The following TLE2 variants were observed in gnomAD, a reference collection of about 807,000 sequenced individuals.
TLE2 encodes the protein transducin-like enhancer protein 2.
In TLE2, 74 loss-of-function variants were observed where a neutral mutation model predicts 97.2. That is an observed-to-expected ratio of 0.76 (90% CI 0.63 to 0.92). The LOEUF (loss-of-function observed/expected upper bound fraction) is 0.92, where lower values mean the gene tolerates loss of function less well. Ranked by LOEUF, TLE2 falls within the 40% of genes least tolerant of loss-of-function variation. The pLI is 0.00. For missense variants in TLE2, 1,038 were observed against 1,008.7 expected, an observed-to-expected ratio of 1.03 and a Z score of -0.39; for synonymous variants, 499 against 432.1, an observed-to-expected ratio of 1.15 and a Z score of -1.92.
chr19:3,025,817 A>AG (rs59586095), intron 4 of TLE2, among the ~76,000 whole-genome samples: 19,380 of 151,888 alleles, frequency 0.13, 1,767 homozygotes, highest in African/African-American at 0.26. Context: ...CACCCCATAA[A>AG]GGGGGGTCTA....
chr19:3,043,457 G>A (rs971534382), intron 1 of TLE2, among the ~76,000 whole-genome samples: 4 of 149,864 alleles, frequency 2.7e-5, no homozygotes, highest in Admixed American at 1.3e-4. Context: ...GATTACAGGC[G>A]TGAGCCACCG....
At chr19:3,035,534 GAA>G (rs990543755) in intron 1 of TLE2, among the ~76,000 whole-genome samples, 1 of 144,016 alleles carries the variant, frequency 6.9e-6, no homozygotes. Context: ...TGGGTTTACG[GAA>G]AAAAAAAAAA....
chr19:3,011,799 G>C (rs561248527), intron 11 of TLE2, among the ~76,000 whole-genome samples: 1 of 151,738 alleles, frequency 6.6e-6, no homozygotes, highest in Non-Finnish European at 1.5e-5. Flanking sequence ...GCAGTGAGCC[G>C]AGATCACGCC....
At chr19:3,006,360 T>C in intron 15 of TLE2, 60 bp downstream of exon 15, 2 of 1,571,994 alleles carry the variant, frequency 1.3e-6, no homozygotes, top group Middle Eastern at 2.3e-4. Context: ...ACCGCCCCAT[T>C]GGAACATAAG....
intron 19 of TLE2, among the ~76,000 whole-genome samples, chr19:2,998,425 A>C (rs1313717723): frequency 6.6e-6 from 1 of 151,934 alleles, no homozygotes; most frequent in Non-Finnish European, 1.5e-5. Context: ...TTGCAGGTGC[A>C]TGCCACCATG....
intron 9 of TLE2, among the ~76,000 whole-genome samples, chr19:3,015,022 TAATAAATAAATA>T (rs749174870): frequency 1.1e-5 from 1 of 93,426 alleles, no homozygotes; most frequent in Non-Finnish European, 2.2e-5. Context: ...GACTCCACCT[TAATAAATAAATA>T]AATAAATAAA....
rs2089336535 is a variant in TLE2 at position 3,000,655 on chromosome 19, T to C, written c.2116A>G (p.Ile706Val). The C allele has an allele frequency of 6.3e-7, 1 of 1,587,314 alleles. No individual in the cohort carries two copies. Among genetic ancestry groups the C allele is most frequent in the Non-Finnish European group, 8.6e-7 (1 of 1,167,370 alleles). ...NAWRTPYGAS[I>V]FQSKESSSVL... is the part of the protein sequence containing the mutation. ...TCCAGACCGCCGAGTACCTGGAAAA[T>C]GCTGGCCCCGTACGGCGTCCTCCAG... Residue 706 changes from isoleucine to valine, a missense_variant, in exon 19 of 20, where the codon ATT (isoleucine) becomes GTT (valine). Transcript: ENST00000262953.
intron 8 of TLE2, among the ~76,000 whole-genome samples, chr19:3,017,428 C>T (rs1358063760): frequency 2.7e-5 from 4 of 147,176 alleles, no homozygotes; most frequent in African/African-American, 5.0e-5. Context: ...ACGCACCTGG[C>T]CTGGTTTTTT....
chr19:3,009,757 C>T, intron 12 of TLE2, 55 bp from the exon 13 acceptor site: 6 of 1,545,374 alleles, frequency 3.9e-6, no homozygotes, highest in Admixed American at 2.2e-5. Flanking sequence ...GATCCCGCCT[C>T]CCACTGCCTT....
chr19:3,007,143 A>G (rs2089496533), intron 14 of TLE2, among the ~76,000 whole-genome samples: 1 of 151,466 alleles, frequency 6.6e-6, no homozygotes, highest in Admixed American at 6.6e-5. Flanking sequence ...GCTGGAGGGC[A>G]GTAGCGTGAT....
intron 18 of TLE2, among the ~76,000 whole-genome samples, chr19:3,001,531 G>A (rs2145111315): frequency 6.6e-6 from 1 of 152,162 alleles, no homozygotes; most frequent in Middle Eastern, 3.4e-3. Flanking sequence ...TATTGCCCAG[G>A]CTGGAGGGCA....
At chr19:3,011,299 G>A (rs562004611) in intron 11 of TLE2, 139 bp from the exon 12 acceptor site, 13 of 921,940 alleles carry the variant, frequency 1.4e-5, no homozygotes, top group Non-Finnish European at 2.0e-5. Flanking sequence ...AGGCCCAGTC[G>A]GGCGGATCAC....
chr19:3,008,739 C>G (rs1392955733), intron 14 of TLE2, 130 bp downstream of exon 14: 1 of 639,006 alleles, frequency 1.6e-6, no homozygotes, highest in African/African-American at 1.9e-5. Context: ...GAGTGAACCA[C>G]TGTGCCCGGC....
At chr19:3,023,169 C>T (rs939128372) in intron 5 of TLE2, among the ~76,000 whole-genome samples, 1 of 151,976 alleles carries the variant, frequency 6.6e-6, no homozygotes, top group Admixed American at 6.6e-5. Context: ...ATTCTCCTGC[C>T]TCAGCCTCCC....
In TLE2 at chr19:2,997,765, G is replaced by T. The variant is rs540356827; in HGVS notation, c.*83C>A. On this transcript the variant is annotated 3_prime_UTR_variant, in exon 20 of 20. Transcript: ENST00000262953. ...GGATGTACGGTTCCTAGGCAGGGCT[G>T]GGAGGCGGCTGCTAGGATGTCTGTC... The T allele has an allele frequency of 1.7e-4, 171 of 987,396 alleles. No individual in the cohort carries two copies. Among genetic ancestry groups the T allele is most frequent in the African/African-American group, 8.3e-4 (52 of 62,394 alleles). 61.2% of individuals were successfully genotyped at this position (987,396 alleles called of 1,614,324 possible). A position where few individuals can be genotyped will look rare whatever the true frequency, so the allele number is the denominator to read the frequency against.
At chr19:3,016,201 G>C (rs1419082456) in intron 8 of TLE2, among the ~76,000 whole-genome samples, 1 of 151,674 alleles carries the variant, frequency 6.6e-6, no homozygotes, top group Non-Finnish European at 1.5e-5. Flanking sequence ...CTCCCAAAGT[G>C]CTGGGATTAC....
At chr19:3,005,629 C>T in intron 16 of TLE2, 45 bp from the exon 17 acceptor site, 1 of 1,610,076 alleles carries the variant, frequency 6.2e-7, no homozygotes, top group African/African-American at 1.3e-5. Flanking sequence ...ATTCGAGCTG[C>T]CCCAGCATCG....
chr19:3,028,649 T>TCGCCC, intron 2 of TLE2, 57 bp downstream of exon 2: 1 of 1,582,934 alleles, frequency 6.3e-7, no homozygotes, highest in Non-Finnish European at 8.7e-7. Context: ...CCCGGAGGCC[T>TCGCCC]CGCCCCGCCC....
At chr19:3,011,648 G>A (rs2089600090) in intron 11 of TLE2, among the ~76,000 whole-genome samples, 1 of 150,258 alleles carries the variant, frequency 6.7e-6, no homozygotes, top group Non-Finnish European at 1.5e-5. Context: ...TCAGGAGTTT[G>A]AGGCCAGCCT....
Sources: gnomAD v4.1 joint callset for allele counts (sites outside exome capture counted in the v4.1 genomes callset) on GRCh38, gnomAD v4.1.1 for gene constraint, MANE v1.5 for transcripts, NCBI Gene and HGNC (gene_info 2026-07-23, HGNC 2026-07-21) for gene names.